IL1RAPL2: variants seen among roughly 807,000 people sequenced by gnomAD.
IL1RAPL2 encodes the protein interleukin 1 receptor accessory protein like 2, also known as X-linked interleukin-1 receptor accessory protein-like 2.
In IL1RAPL2, 3 loss-of-function variants were observed where a neutral mutation model predicts 44.1. The observed-to-expected ratio is 0.07, with a 90% CI of 0.03 to 0.18. The LOEUF (loss-of-function observed/expected upper bound fraction) is 0.18, where lower values mean the gene tolerates loss of function less well. IL1RAPL2 is among the 10% of genes least tolerant of loss of function. IL1RAPL2 has a pLI of 1.00. For missense variants in IL1RAPL2, 391 were observed against 496.4 expected (o/e 0.79, Z 2.02); for synonymous variants, 181 against 178.8 (o/e 1.01, Z -0.10).
At chrX:104,605,386 C>T (rs1366059639) in intron 1 of IL1RAPL2, among the ~76,000 whole-genome samples, 1 of 111,341 alleles carries the variant, frequency 9.0e-6, no homozygotes, top group Non-Finnish European at 1.9e-5. Context: ...AAAATTGACA[C>T]CCTAAAATCA....
chrX:105,309,742 A>AT (rs1003443634), intron 5 of IL1RAPL2, among the ~76,000 whole-genome samples: 14 of 110,640 alleles, frequency 1.3e-4, no homozygotes, highest in Non-Finnish European at 2.1e-4. Context: ...AAAAAAAAAA[A>AT]AAATCTGTTT....
intron 2 of IL1RAPL2, among the ~76,000 whole-genome samples, chrX:104,801,441 TTG>T: frequency 3.4e-3 from 1 of 295 alleles, no homozygotes; most frequent in African/African-American, 0.016. Flanking sequence ...TTAGTTGTTG[TTG>T]TTTTTTTTTT....
intron 2 of IL1RAPL2, among the ~76,000 whole-genome samples, chrX:105,033,448 C>G (rs768676138): frequency 2.7e-5 from 3 of 110,834 alleles, no homozygotes; most frequent in South Asian, 3.8e-4. Context: ...GCATTTGCTT[C>G]TCTGTAAAGT....
chrX:104,909,249 A>T (rs1202986391), intron 2 of IL1RAPL2, among the ~76,000 whole-genome samples: 1 of 110,537 alleles, frequency 9.0e-6, no homozygotes, highest in Non-Finnish European at 1.9e-5. Context: ...ATTCTTCTAA[A>T]TTTTTTTCAA....
chrX:105,007,031 C>T (rs1383998260), intron 2 of IL1RAPL2, among the ~76,000 whole-genome samples: 3 of 111,557 alleles, frequency 2.7e-5, no homozygotes, highest in Non-Finnish European at 5.7e-5. Context: ...ACTTTTATAA[C>T]TGTGTTTAAT....
At chrX:105,304,948 A>T (rs2034723495) in intron 5 of IL1RAPL2, among the ~76,000 whole-genome samples, 1 of 111,400 alleles carries the variant, frequency 9.0e-6, no homozygotes, top group Admixed American at 9.6e-5. Context: ...GGCCTCAGGA[A>T]ACTTTCGATC....
intron 2 of IL1RAPL2, among the ~76,000 whole-genome samples, chrX:104,919,567 G>T (rs1271326523): frequency 1.1e-5 from 1 of 94,231 alleles, no homozygotes; most frequent in Non-Finnish European, 2.1e-5. Flanking sequence ...CTCTTACTCT[G>T]TCGCCCAGGC....
chrX:105,146,684 C>A (rs2033182594), intron 2 of IL1RAPL2, among the ~76,000 whole-genome samples: 1 of 111,147 alleles, frequency 9.0e-6, no homozygotes, highest in Non-Finnish European at 1.9e-5. Flanking sequence ...TGCAGCAAAA[C>A]CAAACAGTGA....
At chrX:104,775,576 A>G (rs1297636177) in intron 2 of IL1RAPL2, among the ~76,000 whole-genome samples, 1 of 111,796 alleles carries the variant, frequency 8.9e-6, no homozygotes, top group Admixed American at 9.6e-5. Context: ...GCTTTAATAG[A>G]TTATGAACTC....
chrX:105,525,723 T>C lies in IL1RAPL2; in HGVS notation c.772+41336T>C, dbSNP rs562091996. On this transcript the variant is annotated intron_variant, in intron 6 of 10. Transcript: ENST00000372582. ...CAGTTAATTACTTGATGCAGTTTTA[T>C]TGTATTTGCTTAGTTCTTCCCCCTG... 3.6e-5 allele frequency among the ~76,000 whole-genome samples: 4 copies of C among 111,695 alleles called. No individual in the cohort carries two copies. In the South Asian group the frequency reaches 1.5e-3, roughly 41 times the overall value.
At chrX:105,480,340 G>A (rs1189454245) in intron 5 of IL1RAPL2, among the ~76,000 whole-genome samples, 3 of 112,163 alleles carry the variant, frequency 2.7e-5, no homozygotes, top group Admixed American at 1.9e-4. Flanking sequence ...TCTCAGGAAA[G>A]TTAGTGTCAA....
chrX:105,094,119 A>C (rs913899957), intron 2 of IL1RAPL2, among the ~76,000 whole-genome samples: 1 of 111,556 alleles, frequency 9.0e-6, no homozygotes, highest in Non-Finnish European at 1.9e-5. Context: ...AATATCTTGC[A>C]TTATGGGGTC....
intron 2 of IL1RAPL2, among the ~76,000 whole-genome samples, chrX:105,029,104 T>C (rs1014806101): frequency 9.1e-6 from 1 of 109,847 alleles, no homozygotes; most frequent in East Asian, 2.9e-4. Flanking sequence ...AACGTCTTTG[T>C]TCAAGCCCTA....
chrX:105,308,493 G>A (rs1050528736), intron 5 of IL1RAPL2, among the ~76,000 whole-genome samples: 4 of 112,247 alleles, frequency 3.6e-5, no homozygotes, highest in African/African-American at 9.7e-5. Context: ...AAGTTCTCTT[G>A]TGTCATTTCC....
chrX:105,319,813 A>G (rs947045269), intron 5 of IL1RAPL2, among the ~76,000 whole-genome samples: 2 of 112,230 alleles, frequency 1.8e-5, no homozygotes, highest in African/African-American at 3.2e-5. Context: ...CCACAAGTGC[A>G]TGGGAGTCTG....
chrX:105,058,804 A>G (rs981623310), intron 2 of IL1RAPL2, among the ~76,000 whole-genome samples: 1 of 112,032 alleles, frequency 8.9e-6, no homozygotes, highest in Non-Finnish European at 1.9e-5. Context: ...GTTAAATATG[A>G]ACAAGACTTG....
chrX:104,763,025 T>C (rs954986862), intron 2 of IL1RAPL2, among the ~76,000 whole-genome samples: 6 of 112,582 alleles, frequency 5.3e-5, no homozygotes, highest in African/African-American at 1.9e-4. Context: ...CTTGAATTTC[T>C]CCCCAGAAAA....
intron 2 of IL1RAPL2, among the ~76,000 whole-genome samples, chrX:104,726,488 C>G (rs988915663): frequency 1.3e-4 from 15 of 111,457 alleles, no homozygotes; most frequent in Non-Finnish European, 2.6e-4. Flanking sequence ...GCCATTTTCA[C>G]AATATTGATT....
intron 6 of IL1RAPL2, among the ~76,000 whole-genome samples, chrX:105,604,294 A>G (rs1031625446): frequency 2.7e-5 from 3 of 111,450 alleles, no homozygotes; most frequent in African/African-American, 9.8e-5. Context: ...AGACACAAAT[A>G]AATAAAAAAT....
Sources: allele counts gnomAD v4.1 joint callset (sites outside exome capture counted in the v4.1 genomes callset), GRCh38; gene constraint gnomAD v4.1.1; transcripts MANE v1.5; gene names NCBI Gene and HGNC (gene_info 2026-07-23, HGNC 2026-07-21).